PDE4D: variants seen among roughly 807,000 people sequenced by gnomAD.
The protein encoded by PDE4D is phosphodiesterase 4D.
PDE4D carries 24 observed loss-of-function variants against 87.4 expected under a neutral mutation model. The observed-to-expected ratio is 0.27, with a 90% CI of 0.20 to 0.39. The LOEUF (loss-of-function observed/expected upper bound fraction) is 0.39. PDE4D is among the 10% of genes least tolerant of loss of function. PDE4D has a pLI of 1.00. For synonymous variants in PDE4D, 384 were observed against 383.2 expected, an observed-to-expected ratio of 1.00 and a Z score of -0.02; for missense variants, 714 against 1,041.0, an observed-to-expected ratio of 0.69 and a Z score of 4.32.
chr5:59,693,910 T>C (rs181737297), intron 1 of PDE4D, among the ~76,000 whole-genome samples: 58 of 152,264 alleles, frequency 3.8e-4, no homozygotes, highest in Non-Finnish European at 6.6e-4. Flanking sequence ...GGATCAGTTC[T>C]AAGAGAGAAA....
At chr5:58,981,274 A>C (rs1424565178) in intron 11 of PDE4D, among the ~76,000 whole-genome samples, 1 of 152,120 alleles carries the variant, frequency 6.6e-6, no homozygotes, top group Non-Finnish European at 1.5e-5. Flanking sequence ...AACCATATTT[A>C]ATCTCCATAA....
chr5:59,632,237 C>A (rs530618595), intron 1 of PDE4D, among the ~76,000 whole-genome samples: 23 of 152,262 alleles, frequency 1.5e-4, no homozygotes, highest in African/African-American at 5.5e-4. Context: ...AAGGTAGCAG[C>A]CCCAGTCAGG....
intron 1 of PDE4D, among the ~76,000 whole-genome samples, chr5:60,512,858 G>A (rs1376247068): frequency 2.0e-5 from 3 of 152,190 alleles, no homozygotes; most frequent in East Asian, 1.9e-4. Context: ...GGCTAACTAT[G>A]TGGGTATATC....
intron 1 of PDE4D, among the ~76,000 whole-genome samples, chr5:60,468,403 T>C (rs1747555990): frequency 6.6e-6 from 1 of 152,064 alleles, no homozygotes; most frequent in African/African-American, 2.4e-5. Context: ...CATCCCAAAA[T>C]GCAGGGATTA....
chr5:60,249,436 AG>A (rs1286755781), intron 1 of PDE4D, among the ~76,000 whole-genome samples: 1 of 152,060 alleles, frequency 6.6e-6, no homozygotes, highest in Non-Finnish European at 1.5e-5. Flanking sequence ...TATAAAATAC[AG>A]TTGGTCCAAG....
intron 1 of PDE4D, among the ~76,000 whole-genome samples, chr5:59,464,194 C>A (rs1801210509): frequency 6.6e-6 from 1 of 152,148 alleles, no homozygotes; most frequent in Non-Finnish European, 1.5e-5. Flanking sequence ...CGTCCCCCAG[C>A]CCGACACCCG....
At chr5:59,189,048 T>TC (rs1743593074) in intron 3 of PDE4D, among the ~76,000 whole-genome samples, 1 of 152,060 alleles carries the variant, frequency 6.6e-6, no homozygotes, top group Non-Finnish European at 1.5e-5. Flanking sequence ...GGCCACAAGA[T>TC]CGTTGCTGCT....
chr5:59,448,707 C>T (rs985120135), intron 1 of PDE4D, among the ~76,000 whole-genome samples: 8 of 152,138 alleles, frequency 5.3e-5, no homozygotes, highest in East Asian at 1.9e-4. Context: ...GTGGCACAAT[C>T]GCTGCAACCT....
intron 1 of PDE4D, among the ~76,000 whole-genome samples, chr5:60,474,116 A>ATG (rs1448219988): frequency 4.2e-5 from 3 of 71,446 alleles, no homozygotes; most frequent in East Asian, 5.9e-4. Context: ...ATATATATAT[A>ATG]TATATATATA....
chr5:59,241,302 C>G lies in PDE4D; in HGVS notation c.456-25334G>C, dbSNP rs570615690. The stretch of plus-strand genomic sequence containing the variant: ...AGTAGGACAATGGGTCCAGCCATGT[C>G]CCTGTTCTTTCTGAGGAGTGGCAAC... On this transcript the variant is annotated intron_variant, in intron 1 of 14. Transcript: ENST00000340635. Among the ~76,000 whole-genome samples, 46 of 152,322 alleles carry G rather than the reference C, an allele frequency of 3.0e-4. No individual in the cohort carries two copies. In the South Asian group the frequency reaches 9.3e-3, roughly 31 times the overall value.
intron 1 of PDE4D, among the ~76,000 whole-genome samples, chr5:59,582,377 A>G (rs1394006593): frequency 6.6e-6 from 1 of 152,272 alleles, no homozygotes; most frequent in East Asian, 1.9e-4. Flanking sequence ...AGTTTCTGTA[A>G]TTTCAATGTA....
chr5:60,117,769 C>T (rs1778296860), intron 2 of PDE4D, among the ~76,000 whole-genome samples: 1 of 151,560 alleles, frequency 6.6e-6, no homozygotes, highest in Non-Finnish European at 1.5e-5. Flanking sequence ...ACTCTGATTA[C>T]CCCTGCAGCT....
chr5:59,093,031 C>A (rs548029818), intron 5 of PDE4D, among the ~76,000 whole-genome samples: 1 of 152,238 alleles, frequency 6.6e-6, no homozygotes, highest in African/African-American at 2.4e-5. Context: ...ACACACCCAC[C>A]CACAAAGGCA....
intron 2 of PDE4D, among the ~76,000 whole-genome samples, chr5:60,130,959 T>A (rs1779513345): frequency 6.6e-6 from 1 of 152,172 alleles, no homozygotes; most frequent in African/African-American, 2.4e-5. Flanking sequence ...TATGACTATG[T>A]AAAGATTATT....
intron 1 of PDE4D, among the ~76,000 whole-genome samples, chr5:59,670,777 G>T (rs1747067822): frequency 6.6e-6 from 1 of 151,758 alleles, no homozygotes; most frequent in African/African-American, 2.4e-5. Context: ...TTAATATTTT[G>T]GTTTAATTAC....
At chr5:59,447,959 A>G (rs78145627) in intron 1 of PDE4D, among the ~76,000 whole-genome samples, 1 of 152,354 alleles carries the variant, frequency 6.6e-6, no homozygotes, top group East Asian at 1.9e-4. Flanking sequence ...ACATATCAAT[A>G]TCATCCAGCC....
At chr5:60,439,246 G>GT (rs1404720836) in intron 1 of PDE4D, among the ~76,000 whole-genome samples, 2 of 151,470 alleles carry the variant, frequency 1.3e-5, no homozygotes, top group South Asian at 2.1e-4. Flanking sequence ...GGAAATACAT[G>GT]TTTTTTACAG....
chr5:60,049,397 C>T (rs536608748), intron 2 of PDE4D, among the ~76,000 whole-genome samples: 3 of 152,334 alleles, frequency 2.0e-5, no homozygotes, highest in South Asian at 4.1e-4. Flanking sequence ...AGCTCTGTTC[C>T]GTTGCTGGTG....
chr5:58,993,500 G>A (rs1347750816), intron 6 of PDE4D, 35 bp from the exon 7 acceptor site: 2 of 1,381,268 alleles, frequency 1.4e-6, no homozygotes, highest in Non-Finnish European at 2.0e-6. Flanking sequence ...AATAATAGAA[G>A]AGGAAAATTT....
Sources: allele counts gnomAD v4.1 joint callset (sites outside exome capture counted in the v4.1 genomes callset), GRCh38; gene constraint gnomAD v4.1.1; transcripts MANE v1.5; gene names NCBI Gene and HGNC (gene_info 2026-07-23, HGNC 2026-07-21).